BABAM2: variants seen among roughly 807,000 people sequenced by gnomAD.
BABAM2 encodes the protein BRISC and BRCA1-A complex member 2.
In BABAM2, 31 loss-of-function variants were observed where a neutral mutation model predicts 54.7. The ratio of observed to expected loss-of-function variants is 0.57; its 90% CI spans 0.43 to 0.77. The LOEUF is 0.77. Among genes scored for constraint, BABAM2 ranks in the 30% least tolerant of loss-of-function variants. BABAM2 has a pLI of 0.00. For missense variants in BABAM2, 364 were observed against 455.8 expected, an observed-to-expected ratio of 0.80 and a Z score of 1.83; for synonymous variants, 167 against 162.9, an observed-to-expected ratio of 1.03 and a Z score of -0.19.
chr2:28,165,529 C>CTTTTTTTTTTTTTTTTTTTTTTTTTTT (rs1192641957), intron 7 of BABAM2, among the ~76,000 whole-genome samples: 1 of 72,254 alleles, frequency 1.4e-5, no homozygotes, highest in Non-Finnish European at 2.4e-5. Context: ...TTTTTCCTTG[C>CTTTTTTTTTTTTTTTTTTTTTTTTTTT]TTTTTTTTTT....
chr2:27,994,619 G>A (rs1251045195), intron 4 of BABAM2, among the ~76,000 whole-genome samples: 2 of 152,194 alleles, frequency 1.3e-5, no homozygotes, highest in African/African-American at 4.8e-5. Flanking sequence ...TGTCATCCAT[G>A]TAGTTACTTT....
chr2:28,316,544 C>T (rs1443836323), intron 11 of BABAM2, among the ~76,000 whole-genome samples: 1 of 152,154 alleles, frequency 6.6e-6, no homozygotes, highest in African/African-American at 2.4e-5. Context: ...CCTCCTCCAA[C>T]TTAAAGGCCT....
chr2:28,018,320 T>G (rs1252744156), intron 4 of BABAM2, among the ~76,000 whole-genome samples: 1 of 152,218 alleles, frequency 6.6e-6, no homozygotes, highest in Non-Finnish European at 1.5e-5. Context: ...CCATCCAGGT[T>G]GTTGCGAATG....
At chr2:27,990,163 T>C (rs1672678195) in intron 4 of BABAM2, among the ~76,000 whole-genome samples, 2 of 152,180 alleles carry the variant, frequency 1.3e-5, no homozygotes, top group East Asian at 3.9e-4. Flanking sequence ...CCAGGGCTTC[T>C]TCATGGATCA....
At chr2:27,902,934 A>T (rs1665910240) in intron 2 of BABAM2, among the ~76,000 whole-genome samples, 1 of 151,762 alleles carries the variant, frequency 6.6e-6, no homozygotes, top group Non-Finnish European at 1.5e-5. Context: ...TGAGAGAGAG[A>T]GAGAGAGAGA....
At position 27,988,106 on chromosome 2, in the gene BABAM2, C is replaced by T. The variant is rs1480970381; in HGVS notation, c.300+19C>T. 6.3e-7 allele frequency: 1 copy of T among 1,598,130 alleles called. No homozygotes were observed. The highest frequency in any genetic ancestry group is 8.6e-7 in the Non-Finnish European group (1 of 1,166,192). ...TTTGCAGGTGAGTACTGCAGACTTG[C>T]TTGAATGATCTTTCTTTGGTGAAAG... On this transcript the variant is annotated intron_variant, in intron 4 of 11. Coordinates refer to ENST00000379624, the MANE Select transcript of BABAM2 (RefSeq NM_199191.3).
At chr2:28,197,635 A>G (rs1439954118) in intron 7 of BABAM2, among the ~76,000 whole-genome samples, 1 of 152,236 alleles carries the variant, frequency 6.6e-6, no homozygotes, top group Non-Finnish European at 1.5e-5. Context: ...TGTTACAGCC[A>G]TAGTAGAGAG....
rs1558567475 is a variant in BABAM2, at chr2:27,894,899, G to A, written c.128+215G>A. 5 of 494,798 alleles carry A rather than the reference G, an allele frequency of 1.0e-5. No homozygotes were observed. The Admixed American group carries it at 1.6e-4, about 15-fold the overall frequency. The allele number at this position is 494,798 out of a possible 1,614,324, so 30.7% of individuals were successfully genotyped here. On this transcript the variant is annotated intron_variant, in intron 2 of 11. Transcript: ENST00000379624. ...GTTGTGGACCATTGTTTTATGACTA[G>A]AATGTTCATGTCTTTTTTTCTGTTT...
chr2:27,924,356 C>G (rs916616677), intron 2 of BABAM2, among the ~76,000 whole-genome samples: 1 of 151,958 alleles, frequency 6.6e-6, no homozygotes, highest in Non-Finnish European at 1.5e-5. Flanking sequence ...TCAAACTCCT[C>G]AAGGCAACAG....
At chr2:27,926,783 TA>T (rs935414772) in intron 2 of BABAM2, among the ~76,000 whole-genome samples, 73 of 152,116 alleles carry the variant, frequency 4.8e-4, no homozygotes, top group African/African-American at 1.7e-3. Flanking sequence ...GATAGAGAAA[TA>T]TTTTTTTTTT....
chr2:28,143,418 G>A (rs1224997228), intron 7 of BABAM2, among the ~76,000 whole-genome samples: 9 of 151,990 alleles, frequency 5.9e-5, no homozygotes, highest in Non-Finnish European at 1.3e-4. Flanking sequence ...AATAAATCTA[G>A]AGATCAGATA....
At chr2:28,201,888 TGAA>T (rs1193625916) in intron 7 of BABAM2, among the ~76,000 whole-genome samples, 8 of 151,990 alleles carry the variant, frequency 5.3e-5, no homozygotes, top group African/African-American at 1.9e-4. Context: ...GAAATAGAGA[TGAA>T]GCCCCGAATG....
rs1378657878 is a variant in BABAM2 at position 27,965,820 on chromosome 2, TTTTC to T, written c.206-22169_206-22166del. 3.3e-5 allele frequency among the ~76,000 whole-genome samples: 5 copies of T among 152,300 alleles called. No individual in the cohort carries two copies. In the East Asian group the frequency reaches 9.6e-4, roughly 29 times the overall value. On this transcript the variant is annotated intron_variant, in intron 3 of 11. Transcript: ENST00000379624. Reference sequence around the variant, plus strand: ...TATCTTGTTCCCTTATTCCTCCTTTTTTTCTTTGTCTTTTTCTCCTTTTCCTCCT... The same window carrying T: ...TATCTTGTTCCCTTATTCCTCCTTTTTTTGTCTTTTTCTCCTTTTCCTCCT...
chr2:27,963,999 G>T (rs750534408), intron 3 of BABAM2, among the ~76,000 whole-genome samples: 9 of 152,190 alleles, frequency 5.9e-5, no homozygotes, highest in Non-Finnish European at 1.3e-4. Flanking sequence ...AATATGGTTT[G>T]CCATATTGAG....
intron 6 of BABAM2, among the ~76,000 whole-genome samples, chr2:28,126,427 AATG>A (rs1368206344): frequency 1.3e-5 from 2 of 148,460 alleles, no homozygotes; most frequent in Non-Finnish European, 3.0e-5. Context: ...GTTTACTGAG[AATG>A]ATGATTTCCA....
intron 5 of BABAM2, among the ~76,000 whole-genome samples, chr2:28,043,962 A>G (rs1034816792): frequency 2.0e-5 from 3 of 152,272 alleles, no homozygotes; most frequent in Non-Finnish European, 4.4e-5. Context: ...CTGGTGGCAC[A>G]GTGGCTTCTA....
chr2:27,931,231 T>G (rs1668070474), intron 3 of BABAM2, among the ~76,000 whole-genome samples: 1 of 152,018 alleles, frequency 6.6e-6, no homozygotes, highest in Non-Finnish European at 1.5e-5. Context: ...TTTGAAAAAA[T>G]TATTAACTAA....
At chr2:28,079,924 AAT>A (rs1221216923) in intron 6 of BABAM2, among the ~76,000 whole-genome samples, 2 of 152,168 alleles carry the variant, frequency 1.3e-5, no homozygotes, top group Non-Finnish European at 2.9e-5. Context: ...CTATTTTAAA[AAT>A]ATGTTACCTA....
intron 7 of BABAM2, among the ~76,000 whole-genome samples, chr2:28,181,943 C>T (rs1558412960): frequency 6.6e-6 from 1 of 151,994 alleles, no homozygotes; most frequent in East Asian, 1.9e-4. Context: ...CAGAGTGAGC[C>T]ATGAGGATTT....
Sources: allele counts gnomAD v4.1 joint callset (sites outside exome capture counted in the v4.1 genomes callset), GRCh38; gene constraint gnomAD v4.1.1; transcripts MANE v1.5; gene names NCBI Gene and HGNC (gene_info 2026-07-23, HGNC 2026-07-21).